CHD9: variants seen among roughly 807,000 people sequenced by gnomAD.
The protein encoded by CHD9 is chromodomain helicase DNA binding protein 9, also known as ATP-dependent chromatin remodeler CHD9.
In CHD9, 77 loss-of-function variants were observed where a neutral mutation model predicts 316.1. The ratio of observed to expected loss-of-function variants is 0.24; its 90% CI spans 0.20 to 0.29. CHD9 has a LOEUF of 0.29. Among genes scored for constraint, CHD9 ranks in the 10% least tolerant of loss-of-function variants. The pLI is 1.00. For synonymous variants in CHD9, 1,129 were observed against 1,158.3 expected (o/e 0.97, Z 0.51); for missense variants, 2,763 against 3,438.1 (o/e 0.80, Z 4.91).
At chr16:53,067,892 C>A (rs1199243934) in intron 1 of CHD9, among the ~76,000 whole-genome samples, 5 of 151,904 alleles carry the variant, frequency 3.3e-5, no homozygotes, top group African/African-American at 1.2e-4. Context: ...GAGACCCCAA[C>A]TCCACAGGAA....
chr16:53,091,097 G>C (rs1382925705), intron 1 of CHD9, among the ~76,000 whole-genome samples: 1 of 152,032 alleles, frequency 6.6e-6, no homozygotes, highest in East Asian at 1.9e-4. Context: ...GTGAGGTTTC[G>C]GATCTGCTCC....
chr16:53,167,354 A>C (rs2042341996), intron 2 of CHD9, among the ~76,000 whole-genome samples: 1 of 152,150 alleles, frequency 6.6e-6, no homozygotes, highest in Admixed American at 6.6e-5. Context: ...TTCAGTATTT[A>C]TTAGATGTCT....
intron 28 of CHD9, 76 bp downstream of exon 28, chr16:53,291,843 T>C: frequency 1.1e-6 from 1 of 880,778 alleles, no homozygotes; most frequent in Non-Finnish European, 1.7e-6. Flanking sequence ...CAGTAAACTA[T>C]TACACTTTTA....
intron 24 of CHD9, among the ~76,000 whole-genome samples, chr16:53,283,402 ACCT>A (rs1226075508): frequency 6.7e-6 from 1 of 149,134 alleles, no homozygotes; most frequent in Non-Finnish European, 1.5e-5. Context: ...AATCAGCAAC[ACCT>A]AATGTGCTTA....
chr16:53,266,272 C>A (rs921570602), intron 20 of CHD9, among the ~76,000 whole-genome samples: 1 of 152,114 alleles, frequency 6.6e-6, no homozygotes, highest in African/African-American at 2.4e-5. Context: ...CAAAAGTTAA[C>A]ATCACCTGTC....
chr16:53,231,327 C>A, intron 8 of CHD9, 92 bp from the exon 9 acceptor site: 1 of 619,418 alleles, frequency 1.6e-6, no homozygotes, highest in South Asian at 2.4e-5. Flanking sequence ...ATCAAACTTA[C>A]AAGGTCTATA....
Position 53,255,631 on chromosome 16 carries a change from A to T in CHD9, c.4061A>T (p.Asp1354Val). Residue 1354 changes from aspartate (D) to valine (V), a missense_variant, in exon 19 of 39, where the codon GAT (aspartate) becomes GTT (valine). Physicochemically the swap from Asp to Val is radical, Grantham distance 152. This residue lies in a region of CHD9 where 199 missense variants were observed against 251.7 expected (regional missense o/e 0.79). Coordinates refer to ENST00000447540, the MANE Select transcript of CHD9 (RefSeq NM_001308319.2). ...IQQLSKKEIE[D>V]LLRRGAYGAI... ...CAGCTTTCCAAAAAGGAAATAGAAG[A>T]TCTGCTTCGAAGAGGTGCTTATGGT... The T allele has an allele frequency of 3.1e-6, 5 of 1,613,428 alleles. No individual in the cohort carries two copies. The highest frequency in any genetic ancestry group is 4.2e-6 in the Non-Finnish European group (5 of 1,179,666).
intron 17 of CHD9, among the ~76,000 whole-genome samples, chr16:53,253,721 G>A (rs2050321390): frequency 6.6e-6 from 1 of 152,120 alleles, no homozygotes; most frequent in African/African-American, 2.4e-5. Context: ...TACTTGGAGA[G>A]GCCAAAGTGG....
intron 32 of CHD9, among the ~76,000 whole-genome samples, chr16:53,307,067 A>G (rs2056052524): frequency 6.6e-6 from 1 of 152,132 alleles, no homozygotes; most frequent in African/African-American, 2.4e-5. Flanking sequence ...GGTGTGAGCC[A>G]GTGCACCTGA....
intron 1 of CHD9, among the ~76,000 whole-genome samples, chr16:53,069,425 C>T (rs1233634169): frequency 1.3e-5 from 2 of 152,228 alleles, no homozygotes; most frequent in African/African-American, 2.4e-5. Context: ...TTAAACAACT[C>T]CCCTTCCCCC....
chr16:53,302,581 A>G (rs1597913876), intron 30 of CHD9, among the ~76,000 whole-genome samples: 1 of 152,106 alleles, frequency 6.6e-6, no homozygotes. Flanking sequence ...TTCTTCTCAA[A>G]CTTTCACCCA....
At chr16:53,322,592 C>CAA (rs796595719) in intron 38 of CHD9, among the ~76,000 whole-genome samples, 2 of 113,908 alleles carry the variant, frequency 1.8e-5, no homozygotes, top group Non-Finnish European at 1.9e-5. Flanking sequence ...GACTCCATCT[C>CAA]AAAAAAAAAA....
chr16:53,260,853 G>C (rs116966949), intron 19 of CHD9, among the ~76,000 whole-genome samples: 549 of 152,142 alleles, frequency 3.6e-3, no homozygotes, highest in Middle Eastern at 0.024. Context: ...ACTTTTGTAA[G>C]AACATTTATA....
intron 2 of CHD9, among the ~76,000 whole-genome samples, chr16:53,158,154 G>C (rs755455528): frequency 2.6e-5 from 4 of 152,122 alleles, no homozygotes; most frequent in Non-Finnish European, 5.9e-5. Context: ...ACATGGCTTT[G>C]TTAATTAATG....
intron 1 of CHD9, among the ~76,000 whole-genome samples, chr16:53,087,268 T>C (rs1316675887): frequency 6.6e-6 from 1 of 152,084 alleles, no homozygotes; most frequent in Non-Finnish European, 1.5e-5. Context: ...CCTCCTCCTG[T>C]TGGTGCTTTT....
chr16:53,105,444 AATTT>A (rs1348230440), intron 1 of CHD9, among the ~76,000 whole-genome samples: 2 of 152,072 alleles, frequency 1.3e-5, no homozygotes, highest in African/African-American at 4.8e-5. Context: ...TTCTATTAGT[AATTT>A]ATTTCAGTCT....
At chr16:53,247,576 A>C in intron 16 of CHD9, 73 bp downstream of exon 16, 1 of 1,009,512 alleles carries the variant, frequency 9.9e-7, no homozygotes, top group Non-Finnish European at 1.5e-6. Flanking sequence ...CTGTAATGTA[A>C]ATGAACTTTA....
At chr16:53,231,832 T>G (rs761100804) in intron 10 of CHD9, 48 bp downstream of exon 10, 1 of 1,489,866 alleles carries the variant, frequency 6.7e-7, no homozygotes, top group East Asian at 2.3e-5. Flanking sequence ...CACTTGTTTA[T>G]GTAAGTTATG....
At chr16:53,115,320 G>A (rs2038208568) in intron 1 of CHD9, among the ~76,000 whole-genome samples, 1 of 152,136 alleles carries the variant, frequency 6.6e-6, no homozygotes, top group African/African-American at 2.4e-5. Context: ...TTTCCATGTT[G>A]GTTGCACAAG....
Sources: gnomAD v4.1 joint callset for allele counts (sites outside exome capture counted in the v4.1 genomes callset) on GRCh38, gnomAD v4.1.1 for gene constraint, gnomAD v4.1.1 regional missense constraint, MANE v1.5 for transcripts, NCBI Gene and HGNC (gene_info 2026-07-23, HGNC 2026-07-21) for gene names.